TRIM37: variants seen among roughly 807,000 people sequenced by gnomAD.
TRIM37 encodes the protein E3 ubiquitin-protein ligase TRIM37.
In TRIM37, 80 loss-of-function variants were observed where a neutral mutation model predicts 129.8. That is an observed-to-expected ratio of 0.62 (90% CI 0.51 to 0.74). TRIM37 has a LOEUF of 0.74. TRIM37 is among the 30% of genes least tolerant of loss of function. The pLI is 0.00. For missense variants in TRIM37, 1,054 were observed against 1,176.5 expected (o/e 0.90, Z 1.52); for synonymous variants, 389 against 387.1 (o/e 1.00, Z -0.06).
downstream of TRIM37, among the ~76,000 whole-genome samples, chr17:58,979,522 A>G (rs549990707): frequency 6.6e-6 from 1 of 152,330 alleles, no homozygotes; most frequent in Non-Finnish European, 1.5e-5. Context: ...GAAGAGAATG[A>G]TCAGAGCTTT....
At chr17:59,056,465 C>T (rs979714156) in intron 13 of TRIM37, among the ~76,000 whole-genome samples, 4 of 151,942 alleles carry the variant, frequency 2.6e-5, no homozygotes, top group African/African-American at 4.8e-5. Flanking sequence ...CACGGTGGCT[C>T]ACGCCTGTAA....
intron 17 of TRIM37, 69 bp from the exon 18 acceptor site, chr17:59,032,159 C>G: frequency 2.1e-6 from 3 of 1,460,958 alleles, no homozygotes; most frequent in South Asian, 2.3e-5. Context: ...AAAAAATGAA[C>G]TGGTTAACAT....
rs757148418 is a variant in TRIM37 at position 59,051,285 on chromosome 17, G to C, written c.1243C>G (p.Gln415Glu). ...TCCAACTGAGTAATGTACCAATGCT[G>C]GTCCCGGGATTTTTGAAAGAAAGTT... is the stretch of plus-strand genomic sequence containing the variant. Reference protein sequence around the residue: ...SPTFFQKSRDQHWYITQLEAA... With the variant: ...SPTFFQKSRDEHWYITQLEAA... The change falls in exon 14 of 24, where the codon CAG becomes GAG. Residue 415 changes from glutamine (Q) to glutamate (E), a missense_variant. Coordinates refer to ENST00000262294, the MANE Select transcript of TRIM37 (RefSeq NM_015294.6). 3 of 1,613,626 alleles carry C rather than the reference G, an allele frequency of 1.9e-6. No homozygotes were observed. In the East Asian group the frequency reaches 6.7e-5, roughly 36 times the overall value.
rs1435741439 is a variant in TRIM37, at chr17:58,998,309, T to A, written c.*1068A>T. On this transcript the variant is annotated 3_prime_UTR_variant, in exon 24 of 24. Coordinates refer to ENST00000262294, the MANE Select transcript of TRIM37 (RefSeq NM_015294.6). Reference sequence around the variant, plus strand: ...ATCAGACACGGAAGAGTGAACAATATTCACTAAGTAAAATACAGCAGATGA... The same window carrying A: ...ATCAGACACGGAAGAGTGAACAATAATCACTAAGTAAAATACAGCAGATGA... The A allele has an allele frequency of 2.6e-5, 26 of 985,236 alleles. No individual in the cohort carries two copies. Among genetic ancestry groups the A allele is most frequent in the Non-Finnish European group, 2.9e-5 (24 of 829,866 alleles). 61.0% of individuals were successfully genotyped at this position (985,236 alleles called of 1,614,324 possible). A position where few individuals can be genotyped will look rare whatever the true frequency, so the allele number is the denominator to read the frequency against.
chr17:59,003,922 T>TAAA (rs60843441), intron 22 of TRIM37, among the ~76,000 whole-genome samples: 73 of 88,918 alleles, frequency 8.2e-4, no homozygotes, highest in African/African-American at 1.8e-3. Context: ...CCCATCTCTA[T>TAAA]AAAAAAAAAA....
intron 9 of TRIM37, among the ~76,000 whole-genome samples, chr17:59,069,987 C>A (rs943675021): frequency 1.3e-5 from 2 of 152,186 alleles, no homozygotes; most frequent in African/African-American, 4.8e-5. Flanking sequence ...TGAGAAAATA[C>A]ATTTCTGTTG....
At chr17:59,039,399 T>G (rs963455692) in intron 17 of TRIM37, among the ~76,000 whole-genome samples, 1 of 148,564 alleles carries the variant, frequency 6.7e-6, no homozygotes. Flanking sequence ...CAGGTTGGAG[T>G]GCGGTGGCGC....
At chr17:59,034,166 A>T (rs895149387) in intron 17 of TRIM37, among the ~76,000 whole-genome samples, 1 of 151,648 alleles carries the variant, frequency 6.6e-6, no homozygotes, top group Non-Finnish European at 1.5e-5. Context: ...AGCTACTCAG[A>T]TCGTTCTTAT....
chr17:59,031,149 T>G (rs1372704204), intron 18 of TRIM37, among the ~76,000 whole-genome samples: 2 of 152,174 alleles, frequency 1.3e-5, no homozygotes, highest in Non-Finnish European at 2.9e-5. Context: ...CCTTGGACTT[T>G]GATTGAAAAA....
At chr17:59,034,302 T>G (rs1026712020) in intron 17 of TRIM37, among the ~76,000 whole-genome samples, 1 of 152,158 alleles carries the variant, frequency 6.6e-6, no homozygotes, top group Non-Finnish European at 1.5e-5. Flanking sequence ...CGGTGTCTCC[T>G]GTTTCTCACT....
chr17:59,056,802 G>C lies in TRIM37; in HGVS notation c.1199+73C>G, dbSNP rs546676358. 7 of 1,042,276 alleles carry C rather than the reference G, an allele frequency of 6.7e-6. No individual in the cohort carries two copies. In the East Asian group the frequency reaches 2.5e-4, roughly 38 times the overall value. 64.6% of individuals were successfully genotyped at this position (1,042,276 alleles called of 1,614,324 possible). A position where few individuals can be genotyped will look rare whatever the true frequency, so the allele number is the denominator to read the frequency against. On this transcript the variant is annotated intron_variant, in intron 13 of 23. Coordinates refer to ENST00000262294, the MANE Select transcript of TRIM37 (RefSeq NM_015294.6). ...CAATATTCATCTTTGTTAACCAAATGATCTTTGAAATATAGTTCTGATGAT... is the reference window on the plus strand; with the variant it reads ...CAATATTCATCTTTGTTAACCAAATCATCTTTGAAATATAGTTCTGATGAT...
At chr17:59,083,452 A>G (rs2043485403) in intron 5 of TRIM37, among the ~76,000 whole-genome samples, 1 of 151,886 alleles carries the variant, frequency 6.6e-6, no homozygotes, top group South Asian at 2.1e-4. Context: ...AAAAAAAAGT[A>G]TTCAGTAAAC....
rs386834002 is a variant in TRIM37 at position 59,031,948 on chromosome 17, TTC to T, written c.1894_1895del (p.Glu632LysfsTer25). On this transcript the variant is annotated frameshift_variant, in exon 18 of 24. Coordinates refer to ENST00000262294, the MANE Select transcript of TRIM37 (RefSeq NM_015294.6). LOFTEE classifies it high-confidence loss of function. ...LLDLKDRSSI[E>X]NLWGLQPRPP... ...GGCGAGGCTGTAAGCCCCACAAATT[TTC>T]TATACTGCTCCGGTCCTTAAGGTCC... 8 of 1,613,994 alleles carry T rather than the reference TTC, an allele frequency of 5.0e-6. No homozygotes were observed. Among genetic ancestry groups the T allele is most frequent in the Non-Finnish European group, 6.8e-6 (8 of 1,180,020 alleles).
At chr17:59,025,925 T>C (rs1297494184) in intron 19 of TRIM37, among the ~76,000 whole-genome samples, 1 of 152,222 alleles carries the variant, frequency 6.6e-6, no homozygotes, top group East Asian at 1.9e-4. Context: ...GTATTTCTTA[T>C]GTTAATGGCC....
rs1009938183 is a variant in TRIM37 at position 59,106,716 on chromosome 17, C to T, written c.-255G>A. 1.4e-5 allele frequency: 8 copies of T among 578,962 alleles called. No homozygotes were observed. The South Asian group carries it at 1.7e-4, about 12-fold the overall frequency. 35.9% of individuals were successfully genotyped at this position (578,962 alleles called of 1,614,324 possible). On this transcript the variant is annotated 5_prime_UTR_variant, in exon 1 of 24. Coordinates refer to ENST00000262294, the MANE Select transcript of TRIM37 (RefSeq NM_015294.6). ...GAACGGTGGCCGCAGCTCCTTTCTC[C>T]CGGCTCAGCCGCCGGCCAGCAGCCG...
chr17:59,069,627 G>A (rs1483015082), intron 9 of TRIM37, among the ~76,000 whole-genome samples: 2 of 152,104 alleles, frequency 1.3e-5, no homozygotes, highest in Non-Finnish European at 2.9e-5. Context: ...AATAAGCTAA[G>A]GAGATTTTAA....
At chr17:59,006,534 C>G (rs1254287835) in intron 22 of TRIM37, among the ~76,000 whole-genome samples, 1 of 152,130 alleles carries the variant, frequency 6.6e-6, no homozygotes, top group Non-Finnish European at 1.5e-5. Context: ...TGATATTGTT[C>G]AGGTATTTTC....
At chr17:59,067,559 C>A (rs200949562) in intron 9 of TRIM37, among the ~76,000 whole-genome samples, 23 of 152,336 alleles carry the variant, frequency 1.5e-4, no homozygotes, top group East Asian at 1.9e-4. Context: ...AAAACTGGTT[C>A]TCCTTATCAA....
At chr17:59,037,613 A>T (rs1190993295) in intron 17 of TRIM37, among the ~76,000 whole-genome samples, 11 of 140,372 alleles carry the variant, frequency 7.8e-5, no homozygotes, top group Admixed American at 5.2e-4. Flanking sequence ...TTTTTATTTT[A>T]GTATAGTTTT....
Sources: allele counts gnomAD v4.1 joint callset (sites outside exome capture counted in the v4.1 genomes callset), GRCh38; gene constraint gnomAD v4.1.1; transcripts MANE v1.5; gene names NCBI Gene and HGNC (gene_info 2026-07-23, HGNC 2026-07-21).